NRG1: variants seen among roughly 807,000 people sequenced by gnomAD.
NRG1 encodes the protein pro-neuregulin-1, membrane-bound isoform.
A neutral mutation model predicts 63.8 loss-of-function variants in NRG1; 18 were observed. The observed-to-expected ratio is 0.28, with a 90% CI of 0.19 to 0.42. The LOEUF is 0.42. Ranked by LOEUF, NRG1 falls within the 10% of genes least tolerant of loss-of-function variation. The pLI is 1.00. For synonymous variants in NRG1, 302 were observed against 301.3 expected (o/e 1.00, Z -0.02); for missense variants, 762 against 814.7 (o/e 0.94, Z 0.79).
rs75628945 is a variant in NRG1, at chr8:32,519,875, T to G, written c.38-75953T>G. ...CCCTTCTTTGTGCCACCGTGTTTTC[T>G]TGTGTATTGGAGGTGGATAAGCAAA... On this transcript the variant is annotated intron_variant, in intron 1 of 10. Transcript: ENST00000519301. Among the ~76,000 whole-genome samples, 912 of 152,278 alleles carry G rather than the reference T, an allele frequency of 6.0e-3. 11 individuals are homozygous for G. Among genetic ancestry groups the G allele is most frequent in the African/African-American group, 0.02 (827 of 41,574 alleles).
At chr8:32,358,869 T>G (rs948506560) in intron 1 of NRG1, among the ~76,000 whole-genome samples, 1 of 152,148 alleles carries the variant, frequency 6.6e-6, no homozygotes, top group Admixed American at 6.6e-5. Flanking sequence ...CTATCTTCTG[T>G]TTCTTAAAAA....
intron 1 of NRG1, among the ~76,000 whole-genome samples, chr8:32,117,518 G>T (rs762025812): frequency 2.0e-5 from 3 of 151,780 alleles, no homozygotes; most frequent in Non-Finnish European, 4.4e-5. Flanking sequence ...CCACCCCACT[G>T]GTTTCCTTTG....
At chr8:32,634,937 C>A (rs1256523456) in intron 5 of NRG1, among the ~76,000 whole-genome samples, 1 of 152,162 alleles carries the variant, frequency 6.6e-6, no homozygotes, top group Non-Finnish European at 1.5e-5. Context: ...TAAATTCTCA[C>A]TTTTTCCATC....
At chr8:32,144,039 G>C (rs1836588001) in intron 1 of NRG1, among the ~76,000 whole-genome samples, 1 of 152,220 alleles carries the variant, frequency 6.6e-6, no homozygotes, top group Non-Finnish European at 1.5e-5. Flanking sequence ...GGGAAAAGCA[G>C]TTAGAATGAT....
chr8:32,540,197 G>C (rs577595380), intron 1 of NRG1, among the ~76,000 whole-genome samples: 3 of 152,184 alleles, frequency 2.0e-5, no homozygotes, highest in Admixed American at 1.3e-4. Context: ...AAAGGAAGGA[G>C]AGTATGGATT....
At chr8:32,153,320 C>T (rs1837710156) in intron 1 of NRG1, among the ~76,000 whole-genome samples, 1 of 152,116 alleles carries the variant, frequency 6.6e-6, no homozygotes, top group Non-Finnish European at 1.5e-5. Flanking sequence ...CAGCTATGCC[C>T]TTTGTGATCT....
At chr8:31,986,656 G>T (rs774109251) in intron 1 of NRG1, among the ~76,000 whole-genome samples, 10 of 152,082 alleles carry the variant, frequency 6.6e-5, no homozygotes, top group Non-Finnish European at 2.9e-5. Flanking sequence ...GTAGATTTGT[G>T]AGTTTTGTAC....
At position 31,808,260 on chromosome 8, in the gene NRG1, C is replaced by A. The variant is rs1442447887; in HGVS notation, c.37+168829C>A. ...GGCATGTTTACTTTCTTTGTGTAAG[C>A]TGATGTATGGAAAATATTTTCCTAG... On this transcript the variant is annotated intron_variant, in intron 1 of 10. Transcript: ENST00000519301. Among the ~76,000 whole-genome samples the A allele has an allele frequency of 3.7e-4, 57 of 152,020 alleles. 1 individual carries two copies. The highest frequency in any genetic ancestry group is 1.2e-3 in the African/African-American group (49 of 41,490).
intron 5 of NRG1, among the ~76,000 whole-genome samples, chr8:32,698,256 A>G (rs897922599): frequency 1.2e-4 from 19 of 152,250 alleles, no homozygotes; most frequent in African/African-American, 4.1e-4. Flanking sequence ...GAGTAAGCAT[A>G]TAAGTAAAGG....
chr8:32,040,378 T>C (rs944201190), intron 1 of NRG1, among the ~76,000 whole-genome samples: 11 of 152,080 alleles, frequency 7.2e-5, no homozygotes, highest in African/African-American at 1.7e-4. Flanking sequence ...AAGCACATTA[T>C]TGTGTTTTAA....
chr8:32,614,621 G>A (rs1459732223), intron 4 of NRG1, 57 bp downstream of exon 4: 9 of 1,542,570 alleles, frequency 5.8e-6, no homozygotes, highest in Non-Finnish European at 8.1e-6. Context: ...ATAACTGCTG[G>A]CTGCTCCTTC....
At chr8:32,503,821 G>A (rs1828182591) in intron 1 of NRG1, among the ~76,000 whole-genome samples, 1 of 152,146 alleles carries the variant, frequency 6.6e-6, no homozygotes, top group Non-Finnish European at 1.5e-5. Flanking sequence ...TAAAGTGGAA[G>A]ATGGCCAAGC....
intron 1 of NRG1, among the ~76,000 whole-genome samples, chr8:32,224,647 C>A (rs569197841): frequency 6.6e-6 from 1 of 152,222 alleles, no homozygotes; most frequent in African/African-American, 2.4e-5. Flanking sequence ...TGCAAATAAT[C>A]CAGAAGTCTG....
intron 1 of NRG1, among the ~76,000 whole-genome samples, chr8:32,346,464 T>C (rs1804910700): frequency 6.6e-6 from 1 of 151,648 alleles, no homozygotes; most frequent in African/African-American, 2.4e-5. Flanking sequence ...TATATATACA[T>C]ATCAACAGCT....
chr8:32,614,134 G>T (rs551321133), intron 3 of NRG1, among the ~76,000 whole-genome samples: 14 of 151,988 alleles, frequency 9.2e-5, no homozygotes, highest in Non-Finnish European at 1.6e-4. Flanking sequence ...TCAAAGATCT[G>T]TAACTTAAAA....
At chr8:31,697,180 A>G (rs1057062416) in intron 1 of NRG1, among the ~76,000 whole-genome samples, 9 of 152,176 alleles carry the variant, frequency 5.9e-5, no homozygotes, top group Non-Finnish European at 1.2e-4. Context: ...GAAGGTGTAT[A>G]TATCACTTTA....
At chr8:32,025,607 G>A (rs1264186731) in intron 1 of NRG1, among the ~76,000 whole-genome samples, 1 of 151,800 alleles carries the variant, frequency 6.6e-6, no homozygotes, top group African/African-American at 2.4e-5. Context: ...CATGGAAGTC[G>A]ATTTTTTTTT....
At chr8:31,715,753 T>C (rs1812288378) in intron 1 of NRG1, among the ~76,000 whole-genome samples, 2 of 152,138 alleles carry the variant, frequency 1.3e-5, no homozygotes, top group African/African-American at 4.8e-5. Context: ...GGATAGAGCC[T>C]CCGTAACAGG....
chr8:32,482,670 A>G (rs1402324791), intron 1 of NRG1, among the ~76,000 whole-genome samples: 1 of 152,100 alleles, frequency 6.6e-6, no homozygotes, highest in African/African-American at 2.4e-5. Context: ...TCCATACAGG[A>G]GGAACAGGGG....
Sources: gnomAD v4.1 joint callset for allele counts (sites outside exome capture counted in the v4.1 genomes callset) on GRCh38, gnomAD v4.1.1 for gene constraint, MANE v1.5 for transcripts, NCBI Gene and HGNC (gene_info 2026-07-23, HGNC 2026-07-21) for gene names.